The following DGKG variants were observed in gnomAD, a reference collection of about 807,000 sequenced individuals.
The protein encoded by DGKG is diacylglycerol kinase gamma, also known as DAG kinase gamma.
A neutral mutation model predicts 105.3 loss-of-function variants in DGKG; 78 were observed. That is an observed-to-expected ratio of 0.74 (90% CI 0.62 to 0.89). The LOEUF (loss-of-function observed/expected upper bound fraction) is 0.89. Ranked by LOEUF, DGKG falls within the 40% of genes least tolerant of loss-of-function variation. DGKG has a pLI of 0.00. For synonymous variants in DGKG, 346 were observed against 367.1 expected, an observed-to-expected ratio of 0.94 and a Z score of 0.66; for missense variants, 958 against 1,020.1, an observed-to-expected ratio of 0.94 and a Z score of 0.83.
intron 19 of DGKG, among the ~76,000 whole-genome samples, chr3:186,245,176 C>T (rs1720882027): frequency 6.6e-6 from 1 of 152,152 alleles, no homozygotes; most frequent in African/African-American, 2.4e-5. Flanking sequence ...TTCTGATTGT[C>T]TTTGGTTTTT....
chr3:186,306,578 G>A, intron 3 of DGKG: 1 of 249,552 alleles, frequency 4.0e-6, no homozygotes, highest in Non-Finnish European at 7.8e-6. Flanking sequence ...CCTATGGGGT[G>A]AGGGAGCTTG....
At chr3:186,159,046 A>T (rs1716166583) in intron 24 of DGKG, 2 of 220,798 alleles carry the variant, frequency 9.1e-6, no homozygotes, top group South Asian at 3.3e-4. Context: ...CTTTTGTAAG[A>T]AGCATATATT....
chr3:186,163,794 T>C (rs1716410745), intron 23 of DGKG, among the ~76,000 whole-genome samples: 1 of 152,088 alleles, frequency 6.6e-6, no homozygotes, highest in South Asian at 2.1e-4. Flanking sequence ...GTGGTCTTCA[T>C]AAGTTATGGC....
At chr3:186,324,939 G>T (rs939542003) in intron 1 of DGKG, among the ~76,000 whole-genome samples, 7 of 152,174 alleles carry the variant, frequency 4.6e-5, no homozygotes, top group African/African-American at 1.7e-4. Flanking sequence ...GAATCAACCT[G>T]GATTTATCCA....
rs1408198342 is a variant in DGKG, at chr3:186,210,269, C to T, written c.1917+1526G>A. 6.6e-6 allele frequency among the ~76,000 whole-genome samples: 1 copy of T among 152,222 alleles called. No individual in the cohort carries two copies. The highest frequency in any genetic ancestry group is 2.4e-5 in the African/African-American group (1 of 41,452). On this transcript the variant is annotated intron_variant, in intron 21 of 24. Coordinates refer to ENST00000265022, the MANE Select transcript of DGKG (RefSeq NM_001346.3). This position sits in a 1 kb window ranked among gnomAD's most constrained non-coding sequence, Gnocchi z 5.2. ...CTCACTTGTGGTATATTTAAAGAGA[C>T]CTCACCAGACGGCTGTGCCAAGGGG... is the stretch of plus-strand genomic sequence containing the variant.
At position 186,272,291 on chromosome 3, in the gene DGKG, A is replaced by G; in HGVS notation, c.963T>C (p.Cys321=). ...TTTTGGCTTTTGAGTACGTTTTGAC[A>G]CAACCAGGAATGTTTCTGGACACAC... ...ERCVSRNIPG[C]VKTYSKAKRS... Residue 321 remains cysteine (C), a synonymous_variant, in exon 11 of 25, where the codon TGT becomes TGC. Transcript: ENST00000265022. 1 of 1,614,084 alleles carries G rather than the reference A, an allele frequency of 6.2e-7. No individual in the cohort carries two copies. The highest frequency in any genetic ancestry group is 8.5e-7 in the Non-Finnish European group (1 of 1,179,936).
intron 8 of DGKG, among the ~76,000 whole-genome samples, chr3:186,280,334 T>C (rs537443685): frequency 6.6e-6 from 1 of 152,384 alleles, no homozygotes; most frequent in Non-Finnish European, 1.5e-5. Context: ...TTATAATTCA[T>C]ATTATCTGGT....
chr3:186,257,742 T>A, intron 17 of DGKG, 112 bp downstream of exon 17: 1 of 779,766 alleles, frequency 1.3e-6, no homozygotes, highest in African/African-American at 1.7e-5. Flanking sequence ...CAGGGGAAGA[T>A]ACAAGGATGA....
At chr3:186,174,729 C>G (rs1189820606) in intron 22 of DGKG, among the ~76,000 whole-genome samples, 2 of 151,196 alleles carry the variant, frequency 1.3e-5, no homozygotes, top group Admixed American at 6.6e-5. Flanking sequence ...AGGTTGCCTT[C>G]TCTTGTTCCT....
Position 186,298,193 on chromosome 3 carries a change from C to A in DGKG, c.181G>T (p.Ala61Ser), listed in dbSNP as rs777222932. ...SYDVFKLFMRAYLEVDLPQPL... is the reference protein window; with the variant it reads ...SYDVFKLFMRSYLEVDLPQPL... ...TGGGGAAGGTCCACCTCCAGGTACG[C>A]CCTCATGAACAGCTTGAAGACATCA... The change falls in exon 4 of 25, where the codon GCG becomes TCG. Residue 61 changes from alanine (A) to serine (S), a missense_variant. By Grantham distance (99) the Ala-to-Ser change is moderately conservative (BLOSUM62 1). Transcript: ENST00000265022. The A allele has an allele frequency of 1.2e-6, 2 of 1,612,180 alleles. No individual in the cohort carries two copies. The highest frequency in any genetic ancestry group is 2.2e-5 in the East Asian group (1 of 44,858).
intron 1 of DGKG, among the ~76,000 whole-genome samples, chr3:186,353,265 G>A (rs911289283): frequency 6.6e-6 from 1 of 152,010 alleles, no homozygotes; most frequent in African/African-American, 2.4e-5. Context: ...GCTCATTCCT[G>A]TAATCCCAGC....
intron 2 of DGKG, among the ~76,000 whole-genome samples, chr3:186,308,077 T>C (rs1724343248): frequency 6.6e-6 from 1 of 152,144 alleles, no homozygotes; most frequent in Admixed American, 6.5e-5. Flanking sequence ...CCCCCCGCCA[T>C]GATTTCCCCT....
intron 21 of DGKG, among the ~76,000 whole-genome samples, chr3:186,201,965 C>G (rs1338525991): frequency 6.6e-6 from 1 of 152,170 alleles, no homozygotes; most frequent in South Asian, 2.1e-4. Context: ...GAAGGTAATG[C>G]AGAGGTCATC....
intron 1 of DGKG, among the ~76,000 whole-genome samples, chr3:186,336,336 A>G (rs1474760181): frequency 2.0e-5 from 3 of 152,246 alleles, no homozygotes; most frequent in African/African-American, 7.2e-5. Context: ...ATTGGCAGCA[A>G]TATGAAAATT....
intron 21 of DGKG, among the ~76,000 whole-genome samples, chr3:186,198,814 C>T (rs1276787202): frequency 6.6e-6 from 1 of 152,214 alleles, no homozygotes; most frequent in East Asian, 1.9e-4. Context: ...CAAAGAAAAA[C>T]AGGGCAAACA....
chr3:186,180,129 C>T (rs1225826142), intron 22 of DGKG, among the ~76,000 whole-genome samples: 1 of 152,048 alleles, frequency 6.6e-6, no homozygotes, highest in Admixed American at 6.5e-5. Context: ...GTTCCTCAAG[C>T]CAGTCGTGAA....
intron 11 of DGKG, 29 bp from the exon 12 acceptor site, chr3:186,268,946 GA>G: frequency 6.6e-7 from 1 of 1,512,848 alleles, no homozygotes; most frequent in Non-Finnish European, 9.2e-7. Flanking sequence ...CGATGCCAGG[GA>G]AAATGGCAGA....
At chr3:186,260,754 C>G (rs1252516512) in intron 15 of DGKG, among the ~76,000 whole-genome samples, 1 of 152,198 alleles carries the variant, frequency 6.6e-6, no homozygotes, top group Non-Finnish European at 1.5e-5. Flanking sequence ...GCTCCTAAGC[C>G]CAGAAGCATC....
intron 1 of DGKG, among the ~76,000 whole-genome samples, chr3:186,345,795 A>G (rs988070230): frequency 1.3e-5 from 2 of 152,260 alleles, no homozygotes; most frequent in Admixed American, 1.3e-4. Context: ...TTTGAGACCG[A>G]GTCTCGCTCT....
Sources: gnomAD v4.1 joint callset for allele counts (sites outside exome capture counted in the v4.1 genomes callset) on GRCh38, gnomAD v4.1.1 for gene constraint, Gnocchi (gnomAD v3.1) non-coding constraint, MANE v1.5 for transcripts, NCBI Gene and HGNC (gene_info 2026-07-23, HGNC 2026-07-21) for gene names.